Variants in ATP10B observed in about 807,000 individuals in gnomAD.
ATP10B encodes the protein phospholipid-transporting ATPase VB.
ATP10B carries 122 observed loss-of-function variants against 141.2 expected under a neutral mutation model. The observed-to-expected ratio is 0.86, with a 90% confidence interval of 0.75 to 1.00. The LOEUF (loss-of-function observed/expected upper bound fraction) is 1.00, where lower values mean the gene tolerates loss of function less well. Among genes scored for constraint, ATP10B ranks in the 50% least tolerant of loss-of-function variants. The pLI is 0.00. For missense variants in ATP10B, 1,876 were observed against 1,825.3 expected, an observed-to-expected ratio of 1.03 and a Z score of -0.51; for synonymous variants, 685 against 692.0, an observed-to-expected ratio of 0.99 and a Z score of 0.16.
At chr5:160,821,271 GAAATA>G (rs556669380) in intron 1 of ATP10B, among the ~76,000 whole-genome samples, 103 of 151,904 alleles carry the variant, frequency 6.8e-4, no homozygotes, top group Non-Finnish European at 1.3e-3. Context: ...ATAATAGCTA[GAAATA>G]AAATAAAATA....
At chr5:160,914,598 C>T in the ATP10B span, among the ~76,000 whole-genome samples, 2 of 151,912 alleles carry the variant, frequency 1.3e-5, no homozygotes, top group Non-Finnish European at 2.9e-5. Context: ...TATTGTTTCC[C>T]TTTTTTCTGA....
At chr5:160,581,441 C>T (rs954638916) in intron 24 of ATP10B, among the ~76,000 whole-genome samples, 6 of 152,190 alleles carry the variant, frequency 3.9e-5, no homozygotes, top group African/African-American at 1.4e-4. Flanking sequence ...TGTTCAGTTT[C>T]CATGTAGTTG....
intron 2 of ATP10B, among the ~76,000 whole-genome samples, chr5:160,746,245 G>A (rs1283661004): frequency 2.0e-5 from 3 of 152,222 alleles, no homozygotes; most frequent in Non-Finnish European, 4.4e-5. Context: ...ATGCTGCACA[G>A]CCTCACTCAG....
intron 13 of ATP10B, 114 bp downstream of exon 13, chr5:160,632,015 A>G (rs1333612957): frequency 1.1e-5 from 10 of 902,520 alleles, no homozygotes; most frequent in Admixed American, 2.4e-5. Context: ...AACCAAGGGC[A>G]CCATTTTGAA....
chr5:160,644,052 G>T, intron 9 of ATP10B, 86 bp downstream of exon 9: 1 of 1,094,560 alleles, frequency 9.1e-7, no homozygotes, highest in Non-Finnish European at 1.4e-6. Context: ...ACTGTGAACA[G>T]TTGTTGGTTC....
At chr5:160,846,278 G>A (rs1014944143) in intron 1 of ATP10B, among the ~76,000 whole-genome samples, 2 of 152,124 alleles carry the variant, frequency 1.3e-5, no homozygotes, top group Non-Finnish European at 2.9e-5. Context: ...AGCAGGCTAG[G>A]TACCAATTTG....
Position 160,652,873 on chromosome 5 carries a change from TATAATA to T in ATP10B, c.676-3623_676-3618del, listed in dbSNP as rs1363514409. ...AAGATTATAAATTATATATAATATA[TATAATA>T]TATATATAATTATATAATATATTAT... On this transcript the variant is annotated intron_variant, in intron 7 of 25. Transcript: ENST00000327245. Among the ~76,000 whole-genome samples, 10 of 89,488 alleles carry T rather than the reference TATAATA, an allele frequency of 1.1e-4. No homozygotes were observed. In the East Asian group the frequency reaches 2.8e-3, roughly 25 times the overall value. The allele number at this position is 89,488 out of a possible 152,430, so 58.7% of individuals were successfully genotyped here. A position where few individuals can be genotyped will look rare whatever the true frequency, so the allele number is the denominator to read the frequency against.
chr5:160,888,991 A>T, the ATP10B span, among the ~76,000 whole-genome samples: 100 of 152,322 alleles, frequency 6.6e-4, no homozygotes, highest in African/African-American at 2.2e-3. Flanking sequence ...TAATGTCACA[A>T]TATTAGACAA....
At chr5:160,827,733 A>G (rs1774740487) in intron 1 of ATP10B, among the ~76,000 whole-genome samples, 2 of 152,164 alleles carry the variant, frequency 1.3e-5, no homozygotes, top group Non-Finnish European at 2.9e-5. Context: ...TCTTTAATCC[A>G]TCTTAATTTT....
intron 22 of ATP10B, among the ~76,000 whole-genome samples, chr5:160,594,171 C>A (rs1756519429): frequency 6.6e-6 from 1 of 152,206 alleles, no homozygotes; most frequent in East Asian, 1.9e-4. Flanking sequence ...GGAAGCCCAT[C>A]AGACTAACAG....
At chr5:160,731,970 C>T (rs1369385660) in intron 2 of ATP10B, among the ~76,000 whole-genome samples, 5 of 152,116 alleles carry the variant, frequency 3.3e-5, no homozygotes, top group Admixed American at 1.3e-4. Context: ...TTCATTATAT[C>T]GAGGATGTTG....
intron 13 of ATP10B, among the ~76,000 whole-genome samples, chr5:160,631,615 T>G (rs1163836653): frequency 1.3e-5 from 2 of 152,280 alleles, no homozygotes; most frequent in Non-Finnish European, 2.9e-5. Flanking sequence ...ACACATGCCT[T>G]ACAGGCTTAT....
chr5:160,891,186 G>T, the ATP10B span, among the ~76,000 whole-genome samples: 2 of 152,158 alleles, frequency 1.3e-5, no homozygotes, highest in African/African-American at 4.8e-5. Flanking sequence ...CAGTTGCTGA[G>T]GTTTGCTTCT....
the ATP10B span, among the ~76,000 whole-genome samples, chr5:160,895,837 TAAC>T: frequency 6.6e-6 from 1 of 152,142 alleles, no homozygotes. Flanking sequence ...ACGGAAATCA[TAAC>T]AAACAGTCTC....
chr5:160,707,022 C>A (rs1462557669), intron 3 of ATP10B, among the ~76,000 whole-genome samples: 1 of 152,122 alleles, frequency 6.6e-6, no homozygotes, highest in Admixed American at 6.5e-5. Flanking sequence ...TCTGAGTCAG[C>A]TCACTGCAAT....
intron 18 of ATP10B, among the ~76,000 whole-genome samples, chr5:160,607,642 A>G (rs970324960): frequency 6.6e-6 from 1 of 152,186 alleles, no homozygotes; most frequent in Non-Finnish European, 1.5e-5. Flanking sequence ...GTGTTTATCA[A>G]TTGTTGTATT....
At chr5:160,694,706 T>G (rs556735332) in intron 3 of ATP10B, among the ~76,000 whole-genome samples, 1 of 152,346 alleles carries the variant, frequency 6.6e-6, no homozygotes, top group South Asian at 2.1e-4. Context: ...ATAAATCAAC[T>G]AGTCATTCAT....
Position 160,823,066 on chromosome 5 carries a change from A to C in ATP10B, c.-576+28875T>G, listed in dbSNP as rs374755391. Among the ~76,000 whole-genome samples the C allele has an allele frequency of 7.0e-3, 988 of 142,074 alleles. 20 individuals are homozygous for C. Among genetic ancestry groups the C allele is most frequent in the African/African-American group, 0.024 (929 of 39,126 alleles). The allele number at this position is 142,074 out of a possible 152,430, so 93.2% of individuals were successfully genotyped here. Reference sequence around the variant, plus strand: ...AAAGAGTGTAATTGGATTGTAACACAAAGGATAAATGCTGAGGTGATAGAT... The same window carrying C: ...AAAGAGTGTAATTGGATTGTAACACCAAGGATAAATGCTGAGGTGATAGAT... On this transcript the variant is annotated intron_variant, in intron 1 of 25. Coordinates refer to ENST00000327245, the MANE Select transcript of ATP10B (RefSeq NM_025153.3).
At chr5:160,684,039 T>C (rs1373430551) in intron 6 of ATP10B, among the ~76,000 whole-genome samples, 1 of 152,208 alleles carries the variant, frequency 6.6e-6, no homozygotes, top group African/African-American at 2.4e-5. Context: ...TCTTCAGATT[T>C]CAACTCACCC....
Sources: allele counts gnomAD v4.1 joint callset (sites outside exome capture counted in the v4.1 genomes callset), GRCh38; gene constraint gnomAD v4.1.1; transcripts MANE v1.5; gene names NCBI Gene and HGNC (gene_info 2026-07-23, HGNC 2026-07-21).